The following DBH variants were observed in gnomAD, a reference collection of about 807,000 sequenced individuals.
DBH encodes the protein dopamine beta-hydroxylase (dopamine beta-monooxygenase).
In DBH, 49 loss-of-function variants were observed where a neutral mutation model predicts 64.0. That is an observed-to-expected ratio of 0.77 (90% CI 0.61 to 0.97). The LOEUF is 0.97. Among genes scored for constraint, DBH ranks in the 50% least tolerant of loss-of-function variants. The pLI, the probability that DBH is intolerant of heterozygous loss-of-function variation, is 0.00. For synonymous variants in DBH, 343 were observed against 347.1 expected (o/e 0.99, Z 0.13); for missense variants, 828 against 826.6 (o/e 1.00, Z -0.02).
At chr9:133,644,711 A>G (rs776870209) in intron 5 of DBH, among the ~76,000 whole-genome samples, 26 of 152,202 alleles carry the variant, frequency 1.7e-4, no homozygotes, top group Non-Finnish European at 3.2e-4. Flanking sequence ...GGGAGGTGGT[A>G]GTAAAGCAGG....
chr9:133,653,124 C>T lies in DBH; in HGVS notation c.1434+125C>T, dbSNP rs190033166. ...GGGCTCGTCCCCTCAATAAGCCAGT[C>T]GTTCTCAGCTCCCTGAACCACAGTG... On this transcript the variant is annotated intron_variant, in intron 9 of 11. Coordinates refer to ENST00000393056, the MANE Select transcript of DBH (RefSeq NM_000787.4). 9.0e-4 allele frequency: 695 copies of T among 775,326 alleles called. 6 individuals are homozygous for T. The African/African-American group carries it at 0.01, about 12-fold the overall frequency. The allele number at this position is 775,326 out of a possible 1,614,324, so 48.0% of individuals were successfully genotyped here.
intron 5 of DBH, among the ~76,000 whole-genome samples, chr9:133,646,157 C>A (rs551556170): frequency 6.6e-6 from 1 of 151,686 alleles, no homozygotes; most frequent in Non-Finnish European, 1.5e-5. Context: ...AATTTTATAT[C>A]TTTTTTTTTC....
intron 1 of DBH, among the ~76,000 whole-genome samples, chr9:133,637,599 G>C (rs1490235586): frequency 6.6e-6 from 1 of 152,230 alleles, no homozygotes; most frequent in African/African-American, 2.4e-5. Context: ...GAGCTGGAGC[G>C]GGGGAGCTGT....
At position 133,652,938 on chromosome 9, in the gene DBH, A is replaced by G; in HGVS notation, c.1375-2A>G. 6.2e-7 allele frequency: 1 copy of G among 1,613,086 alleles called. No individual in the cohort carries two copies. Among genetic ancestry groups the G allele is most frequent in the Non-Finnish European group, 8.5e-7 (1 of 1,179,468 alleles). ...CTGATGGTCACATTGGCTTTTCCTCAGGGAGATGTGCTCATCACCTCCTGC... is the reference window on the plus strand; with the variant it reads ...CTGATGGTCACATTGGCTTTTCCTCGGGGAGATGTGCTCATCACCTCCTGC... On this transcript the variant is annotated splice_acceptor_variant, in intron 8 of 11. Coordinates refer to ENST00000393056, the MANE Select transcript of DBH (RefSeq NM_000787.4). LOFTEE classifies it high-confidence loss of function.
intron 5 of DBH, among the ~76,000 whole-genome samples, 199 bp from the exon 6 acceptor site, chr9:133,647,647 T>C (rs1004812968): frequency 9.2e-5 from 14 of 152,196 alleles, no homozygotes; most frequent in African/African-American, 3.4e-4. Flanking sequence ...TAATTGATCT[T>C]GCGAGCTGCC....
At chr9:133,642,052 A>T (rs1219693086) in intron 2 of DBH, among the ~76,000 whole-genome samples, 155 bp from the exon 3 acceptor site, 2 of 152,230 alleles carry the variant, frequency 1.3e-5, no homozygotes, top group Non-Finnish European at 2.9e-5. Flanking sequence ...GGCCCCAGCC[A>T]GGGCCATGCA....
At chr9:133,657,608 A>G (rs1276388770) in intron 11 of DBH, among the ~76,000 whole-genome samples, 1 of 152,186 alleles carries the variant, frequency 6.6e-6, no homozygotes, top group Non-Finnish European at 1.5e-5. Context: ...TGCCAAATGC[A>G]GGTGGTGTGA....
At chr9:133,637,771 G>T (rs565087188) in intron 1 of DBH, among the ~76,000 whole-genome samples, 1 of 152,162 alleles carries the variant, frequency 6.6e-6, no homozygotes, top group African/African-American at 2.4e-5. Flanking sequence ...CCCAAGACTC[G>T]GCCAGGAGGC....
intron 1 of DBH, among the ~76,000 whole-genome samples, chr9:133,638,990 A>C (rs112072790): frequency 1.3e-5 from 2 of 152,204 alleles, no homozygotes; most frequent in African/African-American, 4.8e-5. Context: ...CCCAGGAAGC[A>C]TCCTCGGAGA....
intron 1 of DBH, among the ~76,000 whole-genome samples, chr9:133,639,549 C>T (rs72761118): frequency 1.6e-4 from 24 of 152,334 alleles, no homozygotes; most frequent in Non-Finnish European, 3.2e-4. Context: ...CGGGAATGCC[C>T]ATGGCTAACA....
chr9:133,654,825 C>T (rs1832294843), intron 9 of DBH: 1 of 152,348 alleles, frequency 6.6e-6, no homozygotes, highest in Admixed American at 6.5e-5. Context: ...GACTGTGCCG[C>T]CTCTCGGCTA....
chr9:133,639,983 C>A lies in DBH; in HGVS notation c.477C>A (p.Tyr159Ter). 1 of 1,613,944 alleles carries A rather than the reference C, an allele frequency of 6.2e-7. No homozygotes were observed. Among genetic ancestry groups the A allele is most frequent in the East Asian group, 2.2e-5 (1 of 44,880 alleles). Reference sequence around the variant, plus strand: ...TTGGCACCTGCGACCCCAAGGATTACCTCATTGAAGTAAGGGGTGGCCGCG... The same window carrying A: ...TTGGCACCTGCGACCCCAAGGATTAACTCATTGAAGTAAGGGGTGGCCGCG... The part of the protein sequence containing the change: ...RPFGTCDPKD[Y>*]LIEDGTVHLV... Residue 159 changes from tyrosine to a stop codon, truncating the protein, a stop_gained, in exon 2 of 12, where the codon TAC becomes TAA. Transcript: ENST00000393056. LOFTEE classifies it high-confidence loss of function.
At chr9:133,656,894 G>A (rs1014948051) in intron 10 of DBH, among the ~76,000 whole-genome samples, 176 bp from the exon 11 acceptor site, 12 of 152,342 alleles carry the variant, frequency 7.9e-5, no homozygotes, top group South Asian at 2.1e-4. Context: ...AGGTGAGGCC[G>A]TTGCCGGTGA....
rs1260707164 is a variant in DBH, at chr9:133,657,352, C to T, written c.1722+123C>T. The T allele has an allele frequency of 3.3e-6, 4 of 1,214,224 alleles. No homozygotes were observed. The Admixed American group carries it at 5.8e-5, about 18-fold the overall frequency. 75.2% of individuals were successfully genotyped at this position (1,214,224 alleles called of 1,614,324 possible). ...AAGCACTCGCACAAGACAATGAGAGCAAGTGCCAGGTGGTGACACATAGGC... is the reference window on the plus strand; with the variant it reads ...AAGCACTCGCACAAGACAATGAGAGTAAGTGCCAGGTGGTGACACATAGGC... On this transcript the variant is annotated intron_variant, in intron 11 of 11. Transcript: ENST00000393056.
At chr9:133,657,401 A>G in intron 11 of DBH, 172 bp downstream of exon 11, 1 of 556,800 alleles carries the variant, frequency 1.8e-6, no homozygotes, top group Admixed American at 2.6e-5. Context: ...CAGCCAGCAG[A>G]GAGAGAGGAG....
At chr9:133,648,571 C>A (rs866527111) in intron 6 of DBH, among the ~76,000 whole-genome samples, 1 of 152,216 alleles carries the variant, frequency 6.6e-6, no homozygotes, top group Non-Finnish European at 1.5e-5. Flanking sequence ...TAGTATTCCA[C>A]AGGATGGGGT....
At position 133,643,191 on chromosome 9, in the gene DBH, C is replaced by CAGGAAATGGT. The variant is rs76801147; in HGVS notation, c.745-222_745-221insAGGAAATGGT. On this transcript the variant is annotated intron_variant, in intron 3 of 11. Transcript: ENST00000393056. The surrounding 1 kb of genome is among the most constrained non-coding windows in gnomAD (Gnocchi z 5.3). ...CGGCTGCGTCCTGTCCCTGCCTTGG[C>CAGGAAATGGT]CTGTACGAACCTCATTTCCTTCACT... Among the ~76,000 whole-genome samples, 3 of 152,084 alleles carry CAGGAAATGGT rather than the reference C, an allele frequency of 2.0e-5. No individual in the cohort carries two copies. Among genetic ancestry groups the CAGGAAATGGT allele is most frequent in the African/African-American group, 7.2e-5 (3 of 41,392 alleles).
intron 1 of DBH, among the ~76,000 whole-genome samples, chr9:133,636,998 A>G (rs2131281602): frequency 6.6e-6 from 1 of 152,114 alleles, no homozygotes; most frequent in South Asian, 2.1e-4. Context: ...GGACGCACAC[A>G]CCACACACAC....
chr9:133,647,688 C>A (rs552927287), intron 5 of DBH, among the ~76,000 whole-genome samples, 158 bp from the exon 6 acceptor site: 9 of 152,322 alleles, frequency 5.9e-5, no homozygotes, highest in African/African-American at 1.9e-4. Context: ...ACAAAGACAG[C>A]CAGCTCTTGG....
Sources: allele counts gnomAD v4.1 joint callset (sites outside exome capture counted in the v4.1 genomes callset), GRCh38; gene constraint gnomAD v4.1.1; non-coding constraint Gnocchi (gnomAD v3.1); transcripts MANE v1.5; gene names NCBI Gene and HGNC (gene_info 2026-07-23, HGNC 2026-07-21).